CDH18: variants seen among roughly 807,000 people sequenced by gnomAD.
CDH18 encodes cadherin-18.
Under a neutral mutation model 67.9 loss-of-function variants are expected in CDH18, and 31 were observed. The ratio of observed to expected loss-of-function variants is 0.46; its 90% CI spans 0.34 to 0.62. The LOEUF is 0.62. CDH18 is among the 20% of genes least tolerant of loss of function. The pLI, the probability that CDH18 is intolerant of heterozygous loss-of-function variation, is 0.01. For synonymous variants in CDH18, 362 were observed against 347.2 expected, an observed-to-expected ratio of 1.04 and a Z score of -0.48; for missense variants, 890 against 975.5, an observed-to-expected ratio of 0.91 and a Z score of 1.17.
intron 2 of CDH18, among the ~76,000 whole-genome samples, chr5:20,179,748 A>G (rs932077128): frequency 1.3e-5 from 2 of 152,146 alleles, no homozygotes; most frequent in African/African-American, 4.8e-5. Context: ...TGCAGGTCAT[A>G]TCTCAAAATT....
At chr5:19,836,591 G>A (rs536959604) in intron 3 of CDH18, among the ~76,000 whole-genome samples, 4 of 152,064 alleles carry the variant, frequency 2.6e-5, no homozygotes, top group Non-Finnish European at 5.9e-5. Context: ...TGGATAGATG[G>A]CAAACATTTT....
At chr5:20,190,899 T>C (rs146980414) in intron 2 of CDH18, among the ~76,000 whole-genome samples, 1 of 152,112 alleles carries the variant, frequency 6.6e-6, no homozygotes, top group African/African-American at 2.4e-5. Flanking sequence ...TCCTTTATGA[T>C]CTAAGAGAAA....
At chr5:19,661,809 G>A (rs1484216932) in intron 5 of CDH18, among the ~76,000 whole-genome samples, 1 of 152,044 alleles carries the variant, frequency 6.6e-6, no homozygotes, top group Non-Finnish European at 1.5e-5. Context: ...AGAACAGTGA[G>A]CAATGAATTT....
At chr5:20,401,284 G>A (rs1289457782) in intron 1 of CDH18, among the ~76,000 whole-genome samples, 1 of 152,136 alleles carries the variant, frequency 6.6e-6, no homozygotes, top group East Asian at 1.9e-4. Context: ...TTAATGAGGT[G>A]CATATCATGT....
intron 1 of CDH18, among the ~76,000 whole-genome samples, chr5:20,273,640 T>TA (rs996928213): frequency 1.1e-4 from 17 of 151,822 alleles, no homozygotes; most frequent in Middle Eastern, 3.4e-3. Context: ...AAATTCAAAC[T>TA]AAAAAAAATA....
chr5:20,283,487 G>T lies in CDH18; in HGVS notation c.-579-27982C>A, dbSNP rs72745022. 7.8e-3 allele frequency among the ~76,000 whole-genome samples: 1,182 copies of T among 151,804 alleles called. 14 individuals are homozygous for T. The highest frequency in any genetic ancestry group is 0.027 in the Middle Eastern group (8 of 294). On this transcript the variant is annotated intron_variant, in intron 1 of 14. Transcript: ENST00000507958. ...AAGAAGACACACAAATGGAAAACGG[G>T]TATATGAAAAGATGTTCATGATCAC...
At chr5:20,024,087 C>A (rs1156297324) in intron 2 of CDH18, among the ~76,000 whole-genome samples, 1 of 152,202 alleles carries the variant, frequency 6.6e-6, no homozygotes, top group Non-Finnish European at 1.5e-5. Context: ...TCACATATTG[C>A]AAACAAAGTA....
At chr5:19,987,528 C>T (rs1233919427) in intron 1 of CDH18, among the ~76,000 whole-genome samples, 3 of 149,340 alleles carry the variant, frequency 2.0e-5, no homozygotes, top group Admixed American at 6.7e-5. Context: ...GGCAGGGATT[C>T]GTGGGAAGAA....
chr5:19,557,331 A>G (rs149825619), intron 8 of CDH18, among the ~76,000 whole-genome samples: 145 of 152,240 alleles, frequency 9.5e-4, no homozygotes, highest in Non-Finnish European at 1.6e-3. Context: ...GCTGCACTTA[A>G]AAGATACAGA....
chr5:20,407,643 C>G (rs1275032825), intron 1 of CDH18, among the ~76,000 whole-genome samples: 1 of 151,510 alleles, frequency 6.6e-6, no homozygotes. Context: ...CAGTAGCAGA[C>G]TAGATTAAAC....
chr5:19,644,663 G>T (rs1754477837), intron 5 of CDH18, among the ~76,000 whole-genome samples: 1 of 152,034 alleles, frequency 6.6e-6, no homozygotes, highest in Non-Finnish European at 1.5e-5. Context: ...TCCATATATG[G>T]ATCCTAAAAA....
intron 1 of CDH18, 38 bp from the exon 2 acceptor site, chr5:19,981,216 G>A (rs534918288): frequency 1.3e-5 from 2 of 152,166 alleles, no homozygotes; most frequent in South Asian, 2.1e-4. Flanking sequence ...TTGAAATATA[G>A]ATCAGATAAT....
At chr5:19,510,126 G>A (rs943854642) in intron 10 of CDH18, among the ~76,000 whole-genome samples, 2 of 152,088 alleles carry the variant, frequency 1.3e-5, no homozygotes, top group African/African-American at 4.8e-5. Context: ...ACACAGCCTG[G>A]CAATACAAAT....
intron 1 of CDH18, among the ~76,000 whole-genome samples, chr5:20,440,132 C>T (rs963133662): frequency 6.6e-6 from 1 of 151,736 alleles, no homozygotes; most frequent in African/African-American, 2.4e-5. Flanking sequence ...CTTAAAATGT[C>T]TGAAGGATAT....
intron 1 of CDH18, among the ~76,000 whole-genome samples, chr5:20,510,261 T>C (rs561806297): frequency 1.3e-5 from 2 of 152,272 alleles, no homozygotes; most frequent in African/African-American, 2.4e-5. Context: ...TGTTATATAA[T>C]TGTTTGAATT....
chr5:20,328,712 G>A (rs985802166), intron 1 of CDH18, among the ~76,000 whole-genome samples: 2 of 152,134 alleles, frequency 1.3e-5, no homozygotes. Flanking sequence ...TTCCCATACC[G>A]GGTCAGGCAT....
At chr5:19,800,243 G>A (rs918760853) in intron 3 of CDH18, among the ~76,000 whole-genome samples, 1 of 152,058 alleles carries the variant, frequency 6.6e-6, no homozygotes, top group African/African-American at 2.4e-5. Context: ...GCAGGTGGGG[G>A]CAAGATAGCT....
At chr5:20,566,426 C>T (rs1464094738) in intron 1 of CDH18, among the ~76,000 whole-genome samples, 3 of 137,422 alleles carry the variant, frequency 2.2e-5, no homozygotes, top group African/African-American at 8.4e-5. Flanking sequence ...GTGGTGCGAT[C>T]TCGGCTCACT....
intron 7 of CDH18, among the ~76,000 whole-genome samples, chr5:19,579,948 A>T (rs1016903710): frequency 1.3e-5 from 2 of 151,800 alleles, no homozygotes; most frequent in Non-Finnish European, 3.0e-5. Context: ...ACAGAATTTT[A>T]CATTGATCCC....
Sources: gnomAD v4.1 joint callset for allele counts (sites outside exome capture counted in the v4.1 genomes callset) on GRCh38, gnomAD v4.1.1 for gene constraint, MANE v1.5 for transcripts, NCBI Gene and HGNC (gene_info 2026-07-23, HGNC 2026-07-21) for gene names.